Variants in TNFRSF8 observed in about 807,000 individuals in gnomAD.
The protein encoded by TNFRSF8 is tumor necrosis factor receptor superfamily member 8.
A neutral mutation model predicts 70.8 loss-of-function variants in TNFRSF8; 26 were observed. That is an observed-to-expected ratio of 0.37 (90% CI 0.27 to 0.51). The LOEUF is 0.51. TNFRSF8 is among the 20% of genes least tolerant of loss of function. The pLI, the probability that TNFRSF8 is intolerant of heterozygous loss-of-function variation, is 0.94. For missense variants in TNFRSF8, 720 were observed against 807.9 expected, an observed-to-expected ratio of 0.89 and a Z score of 1.32; for synonymous variants, 356 against 339.2, an observed-to-expected ratio of 1.05 and a Z score of -0.54.
intron 2 of TNFRSF8, among the ~76,000 whole-genome samples, chr1:12,096,038 G>A (rs1024514841): frequency 6.6e-6 from 1 of 152,216 alleles, no homozygotes; most frequent in Non-Finnish European, 1.5e-5. Flanking sequence ...CATCTTTCTG[G>A]ATTGCTTTTG....
intron 3 of TNFRSF8, among the ~76,000 whole-genome samples, chr1:12,100,469 A>C (rs1021165364): frequency 2.6e-5 from 4 of 152,228 alleles, no homozygotes; most frequent in African/African-American, 9.6e-5. Context: ...CTTAGCTTAA[A>C]GCACAAACAC....
intron 6 of TNFRSF8, among the ~76,000 whole-genome samples, chr1:12,111,383 T>C (rs11569883): frequency 0.047 from 7,088 of 152,058 alleles, 567 homozygotes; most frequent in African/African-American, 0.16. Flanking sequence ...GGTTTCACCA[T>C]GTTGGCCAGG....
At chr1:12,105,191 C>G (rs11569860) in intron 4 of TNFRSF8, among the ~76,000 whole-genome samples, 8,701 of 152,082 alleles carry the variant, frequency 0.057, 334 homozygotes, top group Non-Finnish European at 0.079. Flanking sequence ...TGTATGGAGC[C>G]GGGGAGATGG....
rs1422413231 is a variant in TNFRSF8 at position 12,083,448 on chromosome 1, G to A, written c.64-1016G>A. Among the ~76,000 whole-genome samples, 3 of 152,192 alleles carry A rather than the reference G, an allele frequency of 2.0e-5. No individual in the cohort carries two copies. The East Asian group carries it at 5.8e-4, about 29-fold the overall frequency. Reference sequence around the variant, plus strand: ...TCATACCTGTAATCCCAGCACTTTGGGAGGCCAAGGCGGGTGGATCATTTG... The same window carrying A: ...TCATACCTGTAATCCCAGCACTTTGAGAGGCCAAGGCGGGTGGATCATTTG... On this transcript the variant is annotated intron_variant, in intron 1 of 14. Transcript: ENST00000263932.
In TNFRSF8 at chr1:12,142,443, C is replaced by T. The variant is rs776482753; in HGVS notation, c.1700C>T (p.Pro567Leu). ...TPHYPEQETE[P>L]PLGSCSDVML... ...CACTACCCCGAGCAGGAGACAGAAC[C>T]GCCTCTGGGCAGCTGCAGCGATGTC... is the stretch of plus-strand genomic sequence containing the variant. The change falls in exon 15 of 15, where the codon CCG becomes CTG. Residue 567 changes from proline (P) to leucine (L), a missense_variant. Transcript: ENST00000263932. This position sits in a 1 kb window ranked among gnomAD's most constrained non-coding sequence, Gnocchi z 5.0. 8.7e-6 allele frequency: 14 copies of T among 1,612,798 alleles called. No homozygotes were observed. Among genetic ancestry groups the T allele is most frequent in the East Asian group, 6.7e-5 (3 of 44,860 alleles).
chr1:12,093,024 T>C (rs1025961530), intron 2 of TNFRSF8, among the ~76,000 whole-genome samples: 1 of 152,082 alleles, frequency 6.6e-6, no homozygotes, highest in African/African-American at 2.4e-5. Flanking sequence ...CAGGGTGGTC[T>C]TGAACTCCTG....
intron 8 of TNFRSF8, among the ~76,000 whole-genome samples, chr1:12,117,476 T>C (rs1354458013): frequency 1.3e-5 from 2 of 152,124 alleles, no homozygotes; most frequent in African/African-American, 4.8e-5. Context: ...TAAAGCCCTC[T>C]TTACTTGGGT....
chr1:12,125,691 C>T (rs144151014), intron 10 of TNFRSF8, among the ~76,000 whole-genome samples: 36 of 152,326 alleles, frequency 2.4e-4, no homozygotes, highest in Non-Finnish European at 4.6e-4. Flanking sequence ...ACCTCAATTC[C>T]TTTGTTCTGG....
chr1:12,127,776 T>C (rs1641968204), intron 12 of TNFRSF8, among the ~76,000 whole-genome samples: 1 of 152,222 alleles, frequency 6.6e-6, no homozygotes, highest in African/African-American at 2.4e-5. Context: ...TTTCTAGTAT[T>C]AGAATTTCCA....
rs1283567468 is a variant in TNFRSF8, at chr1:12,135,593, A to C, written c.1315A>C (p.Arg439=). Residue 439 remains arginine, a synonymous_variant, in exon 13 of 15, where the codon AGA becomes CGA. Coordinates refer to ENST00000263932, the MANE Select transcript of TNFRSF8 (RefSeq NM_001243.5). ...GCTGCTCTTGCTTTTTGCAGATTCCAGACCCAGGAGGAGCTCAACGGTAAG... is the reference window on the plus strand; with the variant it reads ...GCTGCTCTTGCTTTTTGCAGATTCCCGACCCAGGAGGAGCTCAACGGTAAG... ...SQPKLELVDS[R]PRRSSTQLRS... is the part of the protein sequence containing the mutation. 3.7e-6 allele frequency: 6 copies of C among 1,614,122 alleles called. No homozygotes were observed. Among genetic ancestry groups the C allele is most frequent in the Non-Finnish European group, 4.2e-6 (5 of 1,180,014 alleles).
intron 8 of TNFRSF8, among the ~76,000 whole-genome samples, chr1:12,122,518 G>C (rs1017550699): frequency 8.6e-5 from 13 of 151,678 alleles, no homozygotes; most frequent in Admixed American, 8.5e-4. Flanking sequence ...ATGTTGGCAG[G>C]CACCTGTAAT....
chr1:12,111,885 C>T lies in TNFRSF8; in HGVS notation c.677-13C>T. 3 of 1,612,518 alleles carry T rather than the reference C, an allele frequency of 1.9e-6. No individual in the cohort carries two copies. The highest frequency in any genetic ancestry group is 1.3e-5 in the African/African-American group (1 of 75,032). On this transcript the variant is annotated splice_polypyrimidine_tract_variant and intron_variant, in intron 6 of 14. Transcript: ENST00000263932. The stretch of plus-strand genomic sequence containing the variant: ...GGCGGCCTGGCCTGCAGCTTCTCTG[C>T]TTCTTTCCCCAGGTCTGTCCCCAAC...
intron 7 of TNFRSF8, among the ~76,000 whole-genome samples, chr1:12,114,340 TATA>T (rs1476869281): frequency 1.3e-5 from 2 of 152,336 alleles, no homozygotes; most frequent in East Asian, 3.8e-4. Context: ...TCTTAAGAGC[TATA>T]ATAATAATGA....
chr1:12,097,533 G>C (rs1172641233), intron 3 of TNFRSF8, among the ~76,000 whole-genome samples: 4 of 152,164 alleles, frequency 2.6e-5, no homozygotes, highest in African/African-American at 4.8e-5. Flanking sequence ...TTTGAGGATA[G>C]GGAGGTTAAG....
intron 1 of TNFRSF8, among the ~76,000 whole-genome samples, chr1:12,079,114 C>T (rs1399644608): frequency 1.3e-5 from 2 of 152,210 alleles, no homozygotes; most frequent in Non-Finnish European, 2.9e-5. Context: ...CCGCTCACCC[C>T]ACAACTTCTA....
At chr1:12,131,025 T>C (rs1481652899) in intron 12 of TNFRSF8, among the ~76,000 whole-genome samples, 1 of 152,222 alleles carries the variant, frequency 6.6e-6, no homozygotes, top group African/African-American at 2.4e-5. Context: ...GAGTCGGTAT[T>C]GAACTCTGAC....
chr1:12,073,989 G>A (rs866442259), intron 1 of TNFRSF8, among the ~76,000 whole-genome samples: 1 of 151,754 alleles, frequency 6.6e-6, no homozygotes, highest in African/African-American at 2.4e-5. Flanking sequence ...CCTTGTCTGA[G>A]TTGTAGCTAA....
chr1:12,073,442 T>TCTTC (rs763960484), intron 1 of TNFRSF8, among the ~76,000 whole-genome samples: 3 of 147,664 alleles, frequency 2.0e-5, no homozygotes, highest in Non-Finnish European at 2.9e-5. Flanking sequence ...CTCTCTCTTT[T>TCTTC]CTTCCTTCCT....
Position 12,110,438 on chromosome 1 carries a change from G to A in TNFRSF8, c.676+234G>A, listed in dbSNP as rs1330149755. 2.0e-5 allele frequency among the ~76,000 whole-genome samples: 3 copies of A among 152,170 alleles called. No homozygotes were observed. Among genetic ancestry groups the A allele is most frequent in the Middle Eastern group, 3.4e-3 (1 of 294 alleles). Reference sequence around the variant, plus strand: ...AGGGCCTGCCTTGTGCCGGACACCCGTGCCCCATCTCTCCCTCTATTTCCC... The same window carrying A: ...AGGGCCTGCCTTGTGCCGGACACCCATGCCCCATCTCTCCCTCTATTTCCC... On this transcript the variant is annotated intron_variant, in intron 6 of 14. Transcript: ENST00000263932. The surrounding 1 kb of genome is among the most constrained non-coding windows in gnomAD (Gnocchi z 4.0).
Sources: gnomAD v4.1 joint callset for allele counts (sites outside exome capture counted in the v4.1 genomes callset) on GRCh38, gnomAD v4.1.1 for gene constraint, Gnocchi (gnomAD v3.1) non-coding constraint, MANE v1.5 for transcripts, NCBI Gene and HGNC (gene_info 2026-07-23, HGNC 2026-07-21) for gene names.